Variants in PATJ observed in about 807,000 individuals in gnomAD.
The protein encoded by PATJ is PATJ crumbs cell polarity complex component, also known as inaD-like protein.
A neutral mutation model predicts 224.9 loss-of-function variants in PATJ; 190 were observed. The observed-to-expected ratio is 0.84, with a 90% CI of 0.75 to 0.95. The LOEUF is 0.95. Ranked by LOEUF, PATJ falls within the 40% of genes least tolerant of loss-of-function variation. PATJ has a pLI of 0.00. For missense variants in PATJ, 2,121 were observed against 2,270.3 expected, an observed-to-expected ratio of 0.93 and a Z score of 1.34; for synonymous variants, 769 against 820.3, an observed-to-expected ratio of 0.94 and a Z score of 1.07.
chr1:61,765,066 A>ATTT (rs71582647), intron 3 of PATJ, among the ~76,000 whole-genome samples: 949 of 23,998 alleles, frequency 0.04, 367 homozygotes, highest in Non-Finnish European at 0.051. Context: ...ATTGACATTC[A>ATTT]TTTTTTTTTT....
intron 11 of PATJ, among the ~76,000 whole-genome samples, chr1:61,801,387 A>G (rs997528766): frequency 2.0e-5 from 3 of 152,114 alleles, no homozygotes; most frequent in Admixed American, 1.3e-4. Context: ...ATTCTTTTCA[A>G]TGCCATTAAT....
At chr1:61,913,438 A>G (rs778383482) in intron 25 of PATJ, among the ~76,000 whole-genome samples, 6 of 151,358 alleles carry the variant, frequency 4.0e-5, no homozygotes, top group Non-Finnish European at 8.8e-5. Context: ...AAACTCCTGG[A>G]CTCCAGCGAT....
chr1:62,153,470 G>A lies in PATJ; in HGVS notation c.5491G>A (p.Val1831Ile), dbSNP rs895369350. The A allele has an allele frequency of 1.5e-5, 18 of 1,231,304 alleles. No individual in the cohort carries two copies. In the African/African-American group the frequency reaches 2.8e-4, roughly 19 times the overall value. 76.3% of individuals were successfully genotyped at this position (1,231,304 alleles called of 1,614,324 possible). A position where few individuals can be genotyped will look rare whatever the true frequency, so the allele number is the denominator to read the frequency against. The change falls in exon 43 of 44, where the codon GTA (valine) becomes ATA (isoleucine). Residue 1831 changes from valine to isoleucine, a missense_variant. Transcript: ENST00000642238. ...HGDLPIYVKT[V>I]FAKGAAADDG... ...AGACCTGCCAATTTATGTCAAGACT[G>A]TATTTGCAAAGGTATATCTTCTTTT...
At chr1:61,781,730 T>C (rs1286702) in intron 7 of PATJ, among the ~76,000 whole-genome samples, 149,997 of 152,346 alleles carry the variant, frequency 0.98, 73,877 homozygotes, top group Middle Eastern at 1. Context: ...CCAAGACCAC[T>C]AGATTTGATG....
At chr1:61,744,370 G>A (rs1644918976) in intron 1 of PATJ, among the ~76,000 whole-genome samples, 2 of 150,794 alleles carry the variant, frequency 1.3e-5, no homozygotes, top group South Asian at 2.1e-4. Context: ...AGAATTTCTT[G>A]GGTGGTTATT....
chr1:62,095,889 A>G (rs1316989800), intron 33 of PATJ, among the ~76,000 whole-genome samples: 4 of 152,082 alleles, frequency 2.6e-5, no homozygotes, highest in African/African-American at 9.7e-5. Flanking sequence ...GCTTAAAGAC[A>G]CCTCGTTTAA....
At chr1:61,827,363 G>T in intron 15 of PATJ, 59 bp from the exon 16 acceptor site, 13 of 1,424,214 alleles carry the variant, frequency 9.1e-6, no homozygotes, top group Non-Finnish European at 1.2e-5. Flanking sequence ...ATAAATAAGA[G>T]ATTTTTGTTT....
intron 15 of PATJ, among the ~76,000 whole-genome samples, chr1:61,824,982 G>C (rs1056642872): frequency 2.0e-5 from 3 of 152,056 alleles, no homozygotes; most frequent in African/African-American, 4.8e-5. Context: ...AAAGAGCTTG[G>C]GATAAGGAAG....
chr1:62,058,651 G>T (rs1331656162), intron 31 of PATJ, among the ~76,000 whole-genome samples: 1 of 152,160 alleles, frequency 6.6e-6, no homozygotes, highest in Non-Finnish European at 1.5e-5. Flanking sequence ...ACAGCACGTG[G>T]CATGCAGTAA....
At chr1:61,749,050 C>T (rs1213064061) in intron 1 of PATJ, among the ~76,000 whole-genome samples, 1 of 151,714 alleles carries the variant, frequency 6.6e-6, no homozygotes, top group African/African-American at 2.4e-5. Flanking sequence ...CATCTTGGCT[C>T]ACTGCAACCT....
rs147256543 is a variant in PATJ at position 61,778,416 on chromosome 1, T to C, written c.849+3082T>C. Among the ~76,000 whole-genome samples, 414 of 152,256 alleles carry C rather than the reference T, an allele frequency of 2.7e-3. 6 individuals are homozygous for C. Among genetic ancestry groups the C allele is most frequent in the Non-Finnish European group, 1.4e-3 (93 of 68,012 alleles). ...AGATCAGTGGATTTTAATAAAATAG[T>C]GTCTGAAAGTTTGTTGATATGGTTC... On this transcript the variant is annotated intron_variant, in intron 7 of 43. Coordinates refer to ENST00000642238, the MANE Select transcript of PATJ (RefSeq NM_001350145.3).
chr1:62,033,186 A>C (rs1649658807), intron 29 of PATJ, among the ~76,000 whole-genome samples: 1 of 152,234 alleles, frequency 6.6e-6, no homozygotes, highest in Non-Finnish European at 1.5e-5. Context: ...ATCAAAGGCA[A>C]GAATGGTCTT....
chr1:62,018,007 G>C lies in PATJ; in HGVS notation c.3959+60G>C. On this transcript the variant is annotated intron_variant, in intron 29 of 43. Transcript: ENST00000642238. This position sits in a 1 kb window ranked among gnomAD's most constrained non-coding sequence, Gnocchi z 4.2. ...GACCTCTTCTGAAGATGTTATTAGT[G>C]TAAGACTATGTCATCTTTGATTTGT... The C allele has an allele frequency of 1.2e-6, 1 of 855,100 alleles. No individual in the cohort carries two copies. The highest frequency in any genetic ancestry group is 2.0e-6 in the Non-Finnish European group (1 of 497,216). 53.0% of individuals were successfully genotyped at this position (855,100 alleles called of 1,614,324 possible). A position where few individuals can be genotyped will look rare whatever the true frequency, so the allele number is the denominator to read the frequency against.
At chr1:61,788,601 C>G (rs1448383940) in intron 8 of PATJ, among the ~76,000 whole-genome samples, 1 of 152,144 alleles carries the variant, frequency 6.6e-6, no homozygotes, top group Non-Finnish European at 1.5e-5. Flanking sequence ...ATTATCTCAA[C>G]ATGGGCTTTT....
chr1:61,826,820 A>C (rs1256412861), intron 15 of PATJ, among the ~76,000 whole-genome samples: 1 of 152,196 alleles, frequency 6.6e-6, no homozygotes, highest in Admixed American at 6.5e-5. Flanking sequence ...GCAAAAGTAT[A>C]TTTCTTTTCA....
intron 28 of PATJ, among the ~76,000 whole-genome samples, chr1:62,011,040 C>T (rs1345549255): frequency 6.6e-6 from 1 of 152,204 alleles, no homozygotes; most frequent in Non-Finnish European, 1.5e-5. Flanking sequence ...TAGGGCCTTG[C>T]TTTGGATTAG....
chr1:61,811,630 G>T (rs1654779551), intron 14 of PATJ, among the ~76,000 whole-genome samples: 1 of 149,596 alleles, frequency 6.7e-6, no homozygotes. Flanking sequence ...ATGTTTTCTA[G>T]TTTACTAAAT....
At chr1:61,906,198 A>T (rs868470306) in intron 24 of PATJ, among the ~76,000 whole-genome samples, 3 of 152,194 alleles carry the variant, frequency 2.0e-5, no homozygotes, top group South Asian at 2.1e-4. Context: ...TATGCAGAGG[A>T]GGGCACAGAG....
At chr1:61,873,077 G>A (rs368702178) in intron 20 of PATJ, among the ~76,000 whole-genome samples, 1 of 152,006 alleles carries the variant, frequency 6.6e-6, no homozygotes, top group African/African-American at 2.4e-5. Context: ...CAGCAATAAA[G>A]AATAACATAG....
Sources: allele counts gnomAD v4.1 joint callset (sites outside exome capture counted in the v4.1 genomes callset), GRCh38; gene constraint gnomAD v4.1.1; non-coding constraint Gnocchi (gnomAD v3.1); transcripts MANE v1.5; gene names NCBI Gene and HGNC (gene_info 2026-07-23, HGNC 2026-07-21).